Variants in RBFOX1 observed in about 807,000 individuals in gnomAD.
The protein encoded by RBFOX1 is RNA binding protein fox-1 homolog 1.
In RBFOX1, 8 loss-of-function variants were observed where a neutral mutation model predicts 57.7. The ratio of observed to expected loss-of-function variants is 0.14; its 90% CI spans 0.08 to 0.25. The LOEUF is 0.25. RBFOX1 is among the 10% of genes least tolerant of loss of function. RBFOX1 has a pLI of 1.00. For synonymous variants in RBFOX1, 326 were observed against 222.4 expected (o/e 1.47, Z -4.15); for missense variants, 611 against 548.5 (o/e 1.11, Z -1.14).
chr16:6,870,209 G>T (rs573656461), intron 3 of RBFOX1, among the ~76,000 whole-genome samples: 1 of 152,034 alleles, frequency 6.6e-6, no homozygotes, highest in East Asian at 1.9e-4. Flanking sequence ...CTAGAATTTT[G>T]CAGGCAGAGC....
At chr16:6,973,121 A>T (rs143687975) in intron 3 of RBFOX1, among the ~76,000 whole-genome samples, 2 of 150,736 alleles carry the variant, frequency 1.3e-5, no homozygotes, top group African/African-American at 4.9e-5. Context: ...ACGGAGCAAG[A>T]CTCCATTGTC....
intron 4 of RBFOX1, among the ~76,000 whole-genome samples, chr16:7,418,816 C>G (rs1568776982): frequency 2.0e-5 from 3 of 152,092 alleles, no homozygotes; most frequent in Non-Finnish European, 4.4e-5. Flanking sequence ...GTCTCTCTCA[C>G]CTCTTTTTTC....
At chr16:6,127,392 G>A (rs1238401936) in intron 1 of RBFOX1, among the ~76,000 whole-genome samples, 1 of 151,702 alleles carries the variant, frequency 6.6e-6, no homozygotes, top group Non-Finnish European at 1.5e-5. Flanking sequence ...CTCTGTTCAT[G>A]TGGACCTTTT....
chr16:7,451,086 G>C (rs1434501733), intron 4 of RBFOX1, among the ~76,000 whole-genome samples: 2 of 152,164 alleles, frequency 1.3e-5, no homozygotes, highest in African/African-American at 2.4e-5. Flanking sequence ...TGGCATGCCA[G>C]GTAGGGCAGG....
In RBFOX1 at chr16:6,842,326, A is replaced by G. The variant is rs181537898; in HGVS notation, c.-16+187676A>G. Reference sequence around the variant, plus strand: ...TTATTTTTTTCTGATCAGAGAAACAACACATACACATCTTTGGAAAGACAA... The same window carrying G: ...TTATTTTTTTCTGATCAGAGAAACAGCACATACACATCTTTGGAAAGACAA... On this transcript the variant is annotated intron_variant, in intron 3 of 15. Coordinates refer to ENST00000550418, the MANE Select transcript of RBFOX1 (RefSeq NM_018723.4). 1.1e-4 allele frequency among the ~76,000 whole-genome samples: 17 copies of G among 152,242 alleles called. No individual in the cohort carries two copies. The East Asian group carries it at 3.3e-3, about 29-fold the overall frequency.
At chr16:7,067,228 C>A (rs528744774) in intron 4 of RBFOX1, among the ~76,000 whole-genome samples, 54 of 152,256 alleles carry the variant, frequency 3.5e-4, no homozygotes, top group African/African-American at 1.2e-3. Context: ...TTCTTCCAGG[C>A]AGCCGAAATT....
intron 4 of RBFOX1, among the ~76,000 whole-genome samples, chr16:7,253,712 C>T (rs1260083131): frequency 6.6e-6 from 1 of 152,162 alleles, no homozygotes; most frequent in Non-Finnish European, 1.5e-5. Context: ...CCTACTCCAT[C>T]ACCACATAGT....
intron 3 of RBFOX1, among the ~76,000 whole-genome samples, chr16:5,675,925 TTA>T (rs1250021132): frequency 1.3e-5 from 2 of 152,086 alleles, no homozygotes; most frequent in African/African-American, 4.8e-5. Flanking sequence ...ATTTTCTGGG[TTA>T]TGAAGACTCA....
chr16:5,692,176 T>TC (rs2050705791), intron 3 of RBFOX1, among the ~76,000 whole-genome samples: 1 of 72,220 alleles, frequency 1.4e-5, no homozygotes, highest in African/African-American at 4.3e-5. Context: ...TGTGTGTGTG[T>TC]GTGTGTGTGT....
At chr16:7,118,927 G>A (rs9925856) in intron 4 of RBFOX1, among the ~76,000 whole-genome samples, 1 of 151,964 alleles carries the variant, frequency 6.6e-6, no homozygotes, top group Non-Finnish European at 1.5e-5. Flanking sequence ...TGATTTTTAG[G>A]AACATGTGGC....
At chr16:6,381,901 A>G (rs1029322346) in intron 2 of RBFOX1, among the ~76,000 whole-genome samples, 3 of 152,230 alleles carry the variant, frequency 2.0e-5, no homozygotes, top group African/African-American at 7.2e-5. Context: ...GCTGCACTGC[A>G]GATTCCACGA....
intron 4 of RBFOX1, among the ~76,000 whole-genome samples, chr16:5,890,697 G>GAAAAAAAAAAAAA: frequency 1.6e-5 from 1 of 61,468 alleles, no homozygotes; most frequent in Non-Finnish European, 2.9e-5. Context: ...AGTCTGTATT[G>GAAAAAAAAAAAAA]AAAAAAAAAA....
chr16:5,801,999 A>T (rs900830397), intron 3 of RBFOX1, among the ~76,000 whole-genome samples: 1 of 152,072 alleles, frequency 6.6e-6, no homozygotes, highest in East Asian at 1.9e-4. Flanking sequence ...GGTCTGCTGG[A>T]GGCTGCATTC....
chr16:6,286,457 C>T (rs4786849), intron 1 of RBFOX1, among the ~76,000 whole-genome samples: 143,304 of 152,266 alleles, frequency 0.94, 68,086 homozygotes, highest in East Asian at 1. Flanking sequence ...GAGCATCCCT[C>T]TCCTCCTTCA....
chr16:6,255,732 G>T (rs991067029), intron 1 of RBFOX1, among the ~76,000 whole-genome samples: 3 of 152,084 alleles, frequency 2.0e-5, no homozygotes, highest in African/African-American at 7.2e-5. Context: ...ATGAGTTCAT[G>T]TCCTTTGCAG....
At chr16:6,155,375 T>G (rs2096831172) in intron 1 of RBFOX1, among the ~76,000 whole-genome samples, 1 of 152,094 alleles carries the variant, frequency 6.6e-6, no homozygotes, top group Non-Finnish European at 1.5e-5. Context: ...GCCCACAGAT[T>G]TAGAAACAGA....
At chr16:7,371,966 C>CTT (rs148559101) in intron 4 of RBFOX1, among the ~76,000 whole-genome samples, 1 of 150,850 alleles carries the variant, frequency 6.6e-6, no homozygotes, top group South Asian at 2.1e-4. Flanking sequence ...CCCTTAATTC[C>CTT]TTTTTTTTTC....
chr16:5,748,487 C>T (rs973777593), intron 3 of RBFOX1, among the ~76,000 whole-genome samples: 1 of 152,090 alleles, frequency 6.6e-6, no homozygotes, highest in South Asian at 2.1e-4. Flanking sequence ...TAAAGTCTCC[C>T]ATTATTATTG....
At chr16:6,198,997 C>G (rs1165130575) in intron 1 of RBFOX1, among the ~76,000 whole-genome samples, 2 of 151,646 alleles carry the variant, frequency 1.3e-5, no homozygotes. Context: ...TTTTAAATCT[C>G]TCTGATAGAA....
Sources: allele counts gnomAD v4.1 joint callset (sites outside exome capture counted in the v4.1 genomes callset), GRCh38; gene constraint gnomAD v4.1.1; transcripts MANE v1.5; gene names NCBI Gene and HGNC (gene_info 2026-07-23, HGNC 2026-07-21).